Variants in KHDRBS2 observed in about 807,000 individuals in gnomAD.
The protein encoded by KHDRBS2 is KH domain-containing, RNA-binding, signal transduction-associated protein 2.
In KHDRBS2, 26 loss-of-function variants were observed where a neutral mutation model predicts 44.3. The ratio of observed to expected loss-of-function variants is 0.59; its 90% CI spans 0.43 to 0.81. KHDRBS2 has a LOEUF of 0.81. KHDRBS2 is among the 40% of genes least tolerant of loss of function. The pLI, the probability that KHDRBS2 is intolerant of heterozygous loss-of-function variation, is 0.00. For missense variants in KHDRBS2, 476 were observed against 433.1 expected (o/e 1.10, Z -0.88); for synonymous variants, 194 against 151.1 (o/e 1.28, Z -2.08).
At chr6:61,974,255 C>T (rs932414379) in intron 4 of KHDRBS2, among the ~76,000 whole-genome samples, 1 of 152,130 alleles carries the variant, frequency 6.6e-6, no homozygotes, top group African/African-American at 2.4e-5. Flanking sequence ...GTACTATTCA[C>T]AAACTATGGT....
At chr6:61,644,360 A>T in the KHDRBS2 span, among the ~76,000 whole-genome samples, 1 of 152,182 alleles carries the variant, frequency 6.6e-6, no homozygotes, top group East Asian at 1.9e-4. Context: ...TCCCTGGAAG[A>T]CAACTTAGGC....
At chr6:61,646,858 C>T in the KHDRBS2 span, among the ~76,000 whole-genome samples, 474 of 152,118 alleles carry the variant, frequency 3.1e-3, 4 homozygotes, top group African/African-American at 0.011. Flanking sequence ...CTCACTCAGT[C>T]GCCCAGGCTG....
chr6:62,281,604 C>T (rs1391647039), intron 1 of KHDRBS2, among the ~76,000 whole-genome samples: 2 of 152,090 alleles, frequency 1.3e-5, no homozygotes, highest in African/African-American at 2.4e-5. Context: ...TGGGCAACAG[C>T]GCAAGGCTCT....
intron 6 of KHDRBS2, among the ~76,000 whole-genome samples, chr6:61,737,135 C>T (rs1775490712): frequency 6.6e-6 from 1 of 151,996 alleles, no homozygotes; most frequent in Admixed American, 6.6e-5. Context: ...ATATATAGAG[C>T]TATTATCTCT....
the KHDRBS2 span, among the ~76,000 whole-genome samples, chr6:61,563,755 G>A: frequency 1.3e-5 from 2 of 151,996 alleles, no homozygotes; most frequent in African/African-American, 4.8e-5. Flanking sequence ...AGATATTATT[G>A]TTGAGATCTA....
At chr6:61,664,497 C>G in the KHDRBS2 span, among the ~76,000 whole-genome samples, 2 of 151,658 alleles carry the variant, frequency 1.3e-5, no homozygotes, top group African/African-American at 4.8e-5. Flanking sequence ...AAACAGGCAT[C>G]CTTTAACACC....
chr6:61,606,887 G>T, the KHDRBS2 span, among the ~76,000 whole-genome samples: 1 of 152,140 alleles, frequency 6.6e-6, no homozygotes, highest in Admixed American at 6.5e-5. Flanking sequence ...TGTCAATAAA[G>T]TATATTATGG....
intron 4 of KHDRBS2, among the ~76,000 whole-genome samples, chr6:61,953,763 T>C (rs1188015082): frequency 6.6e-6 from 1 of 152,100 alleles, no homozygotes; most frequent in East Asian, 1.9e-4. Flanking sequence ...TGCCACGACC[T>C]CTCTGCCTAC....
intron 2 of KHDRBS2, among the ~76,000 whole-genome samples, chr6:62,119,099 G>A (rs1482903693): frequency 6.6e-6 from 1 of 152,084 alleles, no homozygotes; most frequent in Non-Finnish European, 1.5e-5. Flanking sequence ...TCTTTAGTTG[G>A]TTTTGGGGTT....
At chr6:62,125,729 A>T (rs1808806619) in intron 2 of KHDRBS2, among the ~76,000 whole-genome samples, 1 of 152,112 alleles carries the variant, frequency 6.6e-6, no homozygotes, top group African/African-American at 2.4e-5. Context: ...TCATTTCTAG[A>T]CATACCCCAG....
intron 2 of KHDRBS2, among the ~76,000 whole-genome samples, chr6:62,077,812 TTAA>T (rs1403833419): frequency 6.6e-6 from 1 of 152,004 alleles, no homozygotes; most frequent in African/African-American, 2.4e-5. Context: ...AAGGAAAGAA[TTAA>T]TTGATAAATG....
At chr6:61,770,894 G>C (rs978563632) in intron 6 of KHDRBS2, among the ~76,000 whole-genome samples, 2 of 152,200 alleles carry the variant, frequency 1.3e-5, no homozygotes, top group African/African-American at 2.4e-5. Flanking sequence ...TCAGGTTCAC[G>C]AAAGTTGAAA....
At chr6:61,812,883 C>T (rs566930494) in intron 6 of KHDRBS2, among the ~76,000 whole-genome samples, 11 of 152,072 alleles carry the variant, frequency 7.2e-5, no homozygotes, top group African/African-American at 1.9e-4. Context: ...TTGGCCTCGG[C>T]GTATTTTCAC....
At chr6:62,206,579 C>T (rs777704556) in intron 1 of KHDRBS2, among the ~76,000 whole-genome samples, 11 of 152,042 alleles carry the variant, frequency 7.2e-5, no homozygotes, top group Admixed American at 4.6e-4. Context: ...GTGATGCTTT[C>T]GGATATTCCT....
chr6:62,179,869 A>C (rs1384086843), intron 1 of KHDRBS2, among the ~76,000 whole-genome samples: 3 of 151,628 alleles, frequency 2.0e-5, no homozygotes, highest in Non-Finnish European at 3.0e-5. Context: ...TTTTGGTATT[A>C]TTTTGCCCTC....
chr6:61,945,249 AC>A (rs1813137358), intron 4 of KHDRBS2, among the ~76,000 whole-genome samples: 1 of 149,126 alleles, frequency 6.7e-6, no homozygotes, highest in African/African-American at 2.5e-5. Flanking sequence ...ATAATTTAAA[AC>A]CGTATTTTTA....
At chr6:62,211,367 C>T (rs1829013033) in intron 1 of KHDRBS2, among the ~76,000 whole-genome samples, 1 of 152,046 alleles carries the variant, frequency 6.6e-6, no homozygotes, top group Non-Finnish European at 1.5e-5. Flanking sequence ...TATAAATTAA[C>T]AATCTTTTGG....
chr6:61,776,856 C>G (rs1295456274), intron 6 of KHDRBS2, among the ~76,000 whole-genome samples: 2 of 152,126 alleles, frequency 1.3e-5, no homozygotes, highest in African/African-American at 2.4e-5. Flanking sequence ...TATAGTGGCA[C>G]TATTCACAAT....
the KHDRBS2 span, among the ~76,000 whole-genome samples, chr6:61,595,917 G>A: frequency 6.6e-6 from 1 of 151,986 alleles, no homozygotes; most frequent in African/African-American, 2.4e-5. Context: ...AACTATGACA[G>A]AGGTACCCTC....
Sources: allele counts gnomAD v4.1 joint callset (sites outside exome capture counted in the v4.1 genomes callset), GRCh38; gene constraint gnomAD v4.1.1; transcripts MANE v1.5; gene names NCBI Gene and HGNC (gene_info 2026-07-23, HGNC 2026-07-21).